Variants in PRKG1 observed in about 807,000 individuals in gnomAD.
PRKG1 encodes protein kinase cGMP-dependent 1.
In PRKG1, 35 loss-of-function variants were observed where a neutral mutation model predicts 88.1. The observed-to-expected ratio is 0.40, with a 90% CI of 0.30 to 0.53. The LOEUF is 0.53. PRKG1 is among the 20% of genes least tolerant of loss of function. The pLI, the probability that PRKG1 is intolerant of heterozygous loss-of-function variation, is 0.59. For missense variants in PRKG1, 540 were observed against 839.8 expected (o/e 0.64, Z 4.41); for synonymous variants, 303 against 292.5 (o/e 1.04, Z -0.37).
intron 1 of PRKG1, among the ~76,000 whole-genome samples, chr10:51,100,564 G>T (rs1045895098): frequency 6.6e-6 from 1 of 152,122 alleles, no homozygotes; most frequent in African/African-American, 2.4e-5. Context: ...TGTTACAGCT[G>T]TGACTGCCAA....
At chr10:51,747,524 T>C (rs1215243258) in intron 3 of PRKG1, among the ~76,000 whole-genome samples, 1 of 152,132 alleles carries the variant, frequency 6.6e-6, no homozygotes, top group Non-Finnish European at 1.5e-5. Context: ...TCCCAATAAA[T>C]CCAAGGTTTT....
chr10:51,387,031 C>T (rs1381252926), intron 2 of PRKG1, among the ~76,000 whole-genome samples: 1 of 152,110 alleles, frequency 6.6e-6, no homozygotes, highest in Non-Finnish European at 1.5e-5. Flanking sequence ...AAAAATAATA[C>T]ATATTGGTCA....
intron 17 of PRKG1, among the ~76,000 whole-genome samples, chr10:52,291,504 T>C (rs987204745): frequency 1.3e-4 from 19 of 148,616 alleles, no homozygotes; most frequent in African/African-American, 4.5e-4. Flanking sequence ...GAATATGCGG[T>C]GTTTGGTTTT....
chr10:51,946,999 G>C (rs1589445591), intron 5 of PRKG1, among the ~76,000 whole-genome samples: 1 of 152,092 alleles, frequency 6.6e-6, no homozygotes, highest in African/African-American at 2.4e-5. Context: ...AAAGCTGTCA[G>C]ACAGGGACAT....
intron 1 of PRKG1, among the ~76,000 whole-genome samples, chr10:51,112,851 T>C (rs553639224): frequency 1.3e-5 from 2 of 152,358 alleles, no homozygotes; most frequent in South Asian, 2.1e-4. Flanking sequence ...TTCATATGAA[T>C]GCTAGACTAG....
At chr10:52,155,797 T>A (rs10740425) in intron 8 of PRKG1, among the ~76,000 whole-genome samples, 106,167 of 151,196 alleles carry the variant, frequency 0.7, 38,822 homozygotes, top group South Asian at 0.83. Context: ...CATTTGATTA[T>A]TATAATAAGC....
At chr10:52,239,497 A>G (rs1290668409) in intron 9 of PRKG1, among the ~76,000 whole-genome samples, 2 of 145,642 alleles carry the variant, frequency 1.4e-5, no homozygotes, top group Non-Finnish European at 3.0e-5. Context: ...AAAAATAAAA[A>G]TAAAAATAAA....
At chr10:51,187,538 C>T (rs1041730385) in intron 2 of PRKG1, among the ~76,000 whole-genome samples, 4 of 151,968 alleles carry the variant, frequency 2.6e-5, no homozygotes, top group Non-Finnish European at 4.4e-5. Context: ...CACCCAAATT[C>T]CTGAATTTGT....
intron 2 of PRKG1, among the ~76,000 whole-genome samples, chr10:51,433,365 C>G (rs992706410): frequency 2.6e-5 from 4 of 151,980 alleles, no homozygotes; most frequent in Non-Finnish European, 4.4e-5. Context: ...CCTGGTTGCC[C>G]CATGTTGTAG....
intron 5 of PRKG1, among the ~76,000 whole-genome samples, chr10:51,982,702 C>G (rs1844041234): frequency 6.7e-6 from 1 of 149,342 alleles, no homozygotes. Context: ...CTGAGGTGCT[C>G]CTGGACCACT....
intron 3 of PRKG1, among the ~76,000 whole-genome samples, chr10:51,757,530 A>G (rs2132520846): frequency 6.6e-6 from 1 of 152,340 alleles, no homozygotes; most frequent in Admixed American, 6.5e-5. Context: ...AATGCTTTCA[A>G]TACTAAGGGA....
At chr10:51,972,627 C>A (rs1342914296) in intron 5 of PRKG1, among the ~76,000 whole-genome samples, 2 of 152,154 alleles carry the variant, frequency 1.3e-5, no homozygotes, top group Non-Finnish European at 2.9e-5. Context: ...TTGACCTTAT[C>A]TACATTTTCA....
chr10:51,851,559 A>G (rs1589354945), intron 4 of PRKG1, among the ~76,000 whole-genome samples: 1 of 152,232 alleles, frequency 6.6e-6, no homozygotes, highest in African/African-American at 2.4e-5. Context: ...CTCTGTGTAT[A>G]TACTTTTTAC....
intron 2 of PRKG1, among the ~76,000 whole-genome samples, chr10:51,312,509 T>C (rs2132492036): frequency 6.6e-6 from 1 of 152,194 alleles, no homozygotes; most frequent in East Asian, 1.9e-4. Flanking sequence ...AGACTATAAA[T>C]CTGATTAATG....
intron 1 of PRKG1, among the ~76,000 whole-genome samples, chr10:50,994,400 A>C (rs148804567): frequency 7.6e-6 from 1 of 131,496 alleles, no homozygotes; most frequent in Non-Finnish European, 1.6e-5. Context: ...CCTCACCTGT[A>C]ATTTTTTTTT....
intron 5 of PRKG1, among the ~76,000 whole-genome samples, chr10:51,984,627 C>T (rs1251982511): frequency 2.0e-5 from 3 of 152,058 alleles, no homozygotes; most frequent in East Asian, 3.8e-4. Flanking sequence ...ATTATTAATA[C>T]ATAATATTGT....
intron 5 of PRKG1, among the ~76,000 whole-genome samples, chr10:51,928,747 C>T (rs1209272367): frequency 1.3e-5 from 2 of 152,068 alleles, no homozygotes; most frequent in East Asian, 1.9e-4. Flanking sequence ...AATCAAAGAG[C>T]GTTCATGCAT....
chr10:51,095,304 T>C (rs1434782831), intron 1 of PRKG1, among the ~76,000 whole-genome samples: 1 of 152,166 alleles, frequency 6.6e-6, no homozygotes, highest in Non-Finnish European at 1.5e-5. Context: ...AGTTTTCTTC[T>C]AGTTTTTCTC....
intron 2 of PRKG1, chr10:51,299,613 G>T: frequency 2.1e-6 from 1 of 469,080 alleles, no homozygotes. Flanking sequence ...CTTCTCCTTG[G>T]GAAAAACAGA....
Sources: gnomAD v4.1 joint callset for allele counts (sites outside exome capture counted in the v4.1 genomes callset) on GRCh38, gnomAD v4.1.1 for gene constraint, MANE v1.5 for transcripts, NCBI Gene and HGNC (gene_info 2026-07-23, HGNC 2026-07-21) for gene names.